The following FANCC variants were observed in gnomAD, a reference collection of about 807,000 sequenced individuals.
FANCC encodes the protein Fanconi anemia group C protein.
In FANCC, 55 loss-of-function variants were observed where a neutral mutation model predicts 71.3. The observed-to-expected ratio is 0.77, with a 90% CI of 0.62 to 0.97. The LOEUF (loss-of-function observed/expected upper bound fraction) is 0.97, where lower values mean the gene tolerates loss of function less well. FANCC is among the 50% of genes least tolerant of loss of function. The pLI, the probability that FANCC is intolerant of heterozygous loss-of-function variation, is 0.00. For missense variants in FANCC, 678 were observed against 670.9 expected, an observed-to-expected ratio of 1.01 and a Z score of -0.12; for synonymous variants, 275 against 244.9, an observed-to-expected ratio of 1.12 and a Z score of -1.15.
chr9:95,275,135 T>C (rs114707049), intron 1 of FANCC, among the ~76,000 whole-genome samples: 1,536 of 148,822 alleles, frequency 0.01, 27 homozygotes, highest in African/African-American at 0.037. Context: ...GAAAAATAAA[T>C]TAGCCAGGCA....
chr9:95,251,111 T>C (rs985578577), intron 1 of FANCC, among the ~76,000 whole-genome samples: 1 of 152,204 alleles, frequency 6.6e-6, no homozygotes, highest in African/African-American at 2.4e-5. Context: ...TTAATTATCC[T>C]GGGCTTTATT....
At chr9:95,256,942 G>A (rs937804268) in intron 1 of FANCC, among the ~76,000 whole-genome samples, 1 of 152,002 alleles carries the variant, frequency 6.6e-6, no homozygotes, top group Non-Finnish European at 1.5e-5. Flanking sequence ...ACAAAGAAGG[G>A]CATTACATAA....
At chr9:95,214,504 T>A (rs1252099035) in intron 4 of FANCC, among the ~76,000 whole-genome samples, 1 of 152,166 alleles carries the variant, frequency 6.6e-6, no homozygotes, top group Non-Finnish European at 1.5e-5. Flanking sequence ...CTTCTGGGTT[T>A]ATACTTAAAA....
At position 95,114,725 on chromosome 9, in the gene FANCC, A is replaced by C; in HGVS notation, c.1073-15T>G. The stretch of plus-strand genomic sequence containing the variant: ...CCGAGGGATATCTGCGGGTGGAGAG[A>C]GATACGTCAGAGGGCAACTGAGGAA... On this transcript the variant is annotated splice_polypyrimidine_tract_variant and intron_variant, in intron 11 of 14. Transcript: ENST00000289081. 1.2e-6 allele frequency: 2 copies of C among 1,611,632 alleles called. No individual in the cohort carries two copies. The highest frequency in any genetic ancestry group is 1.7e-5 in the Admixed American group (1 of 60,014).
chr9:95,310,368 A>AG (rs1835315551), intron 1 of FANCC, among the ~76,000 whole-genome samples: 1 of 151,016 alleles, frequency 6.6e-6, no homozygotes. Flanking sequence ...GTTTCAAAAG[A>AG]GAAAAAAAAA....
rs536086142 is a variant in FANCC, at chr9:95,280,858, A to C, written c.-78-31489T>G. 4.6e-5 allele frequency among the ~76,000 whole-genome samples: 7 copies of C among 152,350 alleles called. No individual in the cohort carries two copies. The East Asian group carries it at 1.2e-3, about 25-fold the overall frequency. ...AGAGAAATTTAACAGAGAGATTGAA[A>C]TAATTTTTTAAAATCAAACAGAAAT... On this transcript the variant is annotated intron_variant, in intron 1 of 14. Coordinates refer to ENST00000289081, the MANE Select transcript of FANCC (RefSeq NM_000136.3).
At position 95,101,366 on chromosome 9, in the gene FANCC, G is replaced by C. The variant is rs2071066650; in HGVS notation, c.*341C>G. 2.5e-6 allele frequency: 1 copy of C among 407,650 alleles called. No individual in the cohort carries two copies. The highest frequency in any genetic ancestry group is 3.8e-5 in the Admixed American group (1 of 26,252). 25.3% of individuals were successfully genotyped at this position (407,650 alleles called of 1,614,324 possible). Reference sequence around the variant, plus strand: ...TAAGACTTTGAATTTTTAAATAATAGATGTGCAGCTTGACTTGGGTAAAAA... The same window carrying C: ...TAAGACTTTGAATTTTTAAATAATACATGTGCAGCTTGACTTGGGTAAAAA... On this transcript the variant is annotated 3_prime_UTR_variant, in exon 15 of 15. Coordinates refer to ENST00000289081, the MANE Select transcript of FANCC (RefSeq NM_000136.3).
intron 1 of FANCC, among the ~76,000 whole-genome samples, chr9:95,299,550 TA>T (rs1366888485): frequency 6.6e-6 from 1 of 152,212 alleles, no homozygotes; most frequent in Non-Finnish European, 1.5e-5. Context: ...TAAAAGTTAC[TA>T]ATGGTATCAC....
At chr9:95,144,986 G>C (rs1304791426) in intron 7 of FANCC, among the ~76,000 whole-genome samples, 2 of 152,110 alleles carry the variant, frequency 1.3e-5, no homozygotes, top group African/African-American at 4.8e-5. Context: ...TAGAAAAAAG[G>C]CCATTTTATT....
intron 1 of FANCC, among the ~76,000 whole-genome samples, chr9:95,255,383 C>T (rs62560524): frequency 0.17 from 26,101 of 152,094 alleles, 3,019 homozygotes; most frequent in Non-Finnish European, 0.26. Context: ...ATCTGCTGTT[C>T]TGAAACCTCC....
chr9:95,136,381 T>G (rs1448579633), intron 7 of FANCC, among the ~76,000 whole-genome samples: 4 of 151,830 alleles, frequency 2.6e-5, no homozygotes, highest in African/African-American at 9.7e-5. Context: ...AGACCCTGTC[T>G]CAAAAGAAAA....
chr9:95,105,830 G>T (rs2071401187), intron 14 of FANCC, among the ~76,000 whole-genome samples: 1 of 152,212 alleles, frequency 6.6e-6, no homozygotes, highest in African/African-American at 2.4e-5. Context: ...AGGCTGAACA[G>T]TACTCTCTTG....
At chr9:95,122,575 G>A (rs1438044308) in intron 10 of FANCC, among the ~76,000 whole-genome samples, 1 of 152,210 alleles carries the variant, frequency 6.6e-6, no homozygotes, top group Admixed American at 6.5e-5. Flanking sequence ...GACCCAGTGT[G>A]TGGTCCCACG....
rs192266952 is a variant in FANCC, at chr9:95,104,488, G to A, written c.1533+2578C>T. Reference sequence around the variant, plus strand: ...GGTTCCCGTGTGGATCCGCAGCAGGGGCTGAACCACGTGTCAGGAGGGACT... The same window carrying A: ...GGTTCCCGTGTGGATCCGCAGCAGGAGCTGAACCACGTGTCAGGAGGGACT... On this transcript the variant is annotated intron_variant, in intron 14 of 14. Coordinates refer to ENST00000289081, the MANE Select transcript of FANCC (RefSeq NM_000136.3). 2.5e-3 allele frequency among the ~76,000 whole-genome samples: 381 copies of A among 152,258 alleles called. 1 individual carries two copies. Among genetic ancestry groups the A allele is most frequent in the Non-Finnish European group, 4.4e-3 (296 of 67,994 alleles).
intron 4 of FANCC, among the ~76,000 whole-genome samples, chr9:95,238,053 G>A (rs915488297): frequency 6.6e-6 from 1 of 152,122 alleles, no homozygotes; most frequent in African/African-American, 2.4e-5. Context: ...ATATGAATGA[G>A]CACTCATTCT....
chr9:95,117,342 C>T lies in FANCC; in HGVS notation c.1045G>A (p.Ala349Thr). 6.2e-7 allele frequency: 1 copy of T among 1,614,062 alleles called. No homozygotes were observed. The highest frequency in any genetic ancestry group is 1.3e-5 in the African/African-American group (1 of 75,012). ...TGAGGGTCTTGCAGCAGCACCATGG[C>T]AAGAGATGGAGAAGTGTAAGGAAAG... ...TYFPYTSPSL[A>T]MVLLQDPQDI... The change falls in exon 11 of 15, where the codon GCC becomes ACC. Residue 349 changes from alanine to threonine, a missense_variant. Transcript: ENST00000289081.
chr9:95,281,403 A>AG (rs1833376800), intron 1 of FANCC, among the ~76,000 whole-genome samples: 1 of 152,124 alleles, frequency 6.6e-6, no homozygotes, highest in African/African-American at 2.4e-5. Flanking sequence ...AGAAAAAAAA[A>AG]TTAAAACTAT....
At chr9:95,217,067 A>G (rs1215551600) in intron 4 of FANCC, among the ~76,000 whole-genome samples, 1 of 152,262 alleles carries the variant, frequency 6.6e-6, no homozygotes, top group Non-Finnish European at 1.5e-5. Context: ...AGAACCATAA[A>G]ACAATTCTCA....
intron 4 of FANCC, among the ~76,000 whole-genome samples, chr9:95,204,670 T>C (rs983480303): frequency 6.6e-6 from 1 of 152,184 alleles, no homozygotes; most frequent in Non-Finnish European, 1.5e-5. Context: ...AAACTCCAAA[T>C]GTTGACTTCG....
Sources: allele counts gnomAD v4.1 joint callset (sites outside exome capture counted in the v4.1 genomes callset), GRCh38; gene constraint gnomAD v4.1.1; transcripts MANE v1.5; gene names NCBI Gene and HGNC (gene_info 2026-07-23, HGNC 2026-07-21).